FIGN: variants seen among roughly 807,000 people sequenced by gnomAD.
FIGN encodes the protein fidgetin, microtubule severing factor.
Under a neutral mutation model 51.3 loss-of-function variants are expected in FIGN, and 11 were observed. The observed-to-expected ratio is 0.21, with a 90% CI of 0.13 to 0.35. The LOEUF (loss-of-function observed/expected upper bound fraction) is 0.35, where lower values mean the gene tolerates loss of function less well. Ranked by LOEUF, FIGN falls within the 10% of genes least tolerant of loss-of-function variation. The pLI is 1.00. For synonymous variants in FIGN, 407 were observed against 363.2 expected (o/e 1.12, Z -1.37); for missense variants, 857 against 943.6 (o/e 0.91, Z 1.20).
chr2:163,618,502 A>G (rs1002379396), intron 2 of FIGN, among the ~76,000 whole-genome samples: 3 of 151,960 alleles, frequency 2.0e-5, no homozygotes, highest in Non-Finnish European at 2.9e-5. Context: ...CTTACAGAGA[A>G]ATTGCAATCT....
chr2:163,618,071 A>G (rs1183552133), intron 2 of FIGN, among the ~76,000 whole-genome samples: 1 of 152,200 alleles, frequency 6.6e-6, no homozygotes, highest in Admixed American at 6.5e-5. Context: ...CAAGAAAGAT[A>G]CAGAAATTCT....
intron 2 of FIGN, among the ~76,000 whole-genome samples, chr2:163,626,433 G>A (rs1278454858): frequency 6.6e-6 from 1 of 152,090 alleles, no homozygotes; most frequent in African/African-American, 2.4e-5. Flanking sequence ...ATTTATTTAT[G>A]AATCATGTCA....
At chr2:163,635,170 AACAAG>A (rs1439879594) in intron 2 of FIGN, among the ~76,000 whole-genome samples, 7 of 152,228 alleles carry the variant, frequency 4.6e-5, no homozygotes, top group Non-Finnish European at 1.0e-4. Context: ...CAAAATAATA[AACAAG>A]ACATCATTAG....
chr2:163,651,565 C>A (rs777637917), intron 2 of FIGN, among the ~76,000 whole-genome samples: 1 of 152,150 alleles, frequency 6.6e-6, no homozygotes, highest in Non-Finnish European at 1.5e-5. Context: ...GTGAGATTGT[C>A]TGGCAAAGCT....
chr2:163,700,804 C>A (rs2105350500), intron 2 of FIGN, among the ~76,000 whole-genome samples: 1 of 152,212 alleles, frequency 6.6e-6, no homozygotes, highest in South Asian at 2.1e-4. Context: ...CCTCTGATAG[C>A]TCTATCTTCT....
chr2:163,611,914 G>GGCGA, intron 2 of FIGN, 108 bp from the exon 3 acceptor site: 4 of 679,386 alleles, frequency 5.9e-6, no homozygotes, highest in Non-Finnish European at 6.8e-6. Flanking sequence ...TTAATGATAT[G>GGCGA]CATACTTTAA....
chr2:163,620,321 T>A (rs1361120612), intron 2 of FIGN, among the ~76,000 whole-genome samples: 1 of 152,142 alleles, frequency 6.6e-6, no homozygotes, highest in East Asian at 1.9e-4. Context: ...TTCAATCCAT[T>A]AAGGCCATCT....
intron 2 of FIGN, among the ~76,000 whole-genome samples, chr2:163,625,508 A>G (rs906279453): frequency 2.0e-5 from 3 of 152,058 alleles, no homozygotes. Flanking sequence ...TATTATTTAT[A>G]TGCACTAAGG....
At chr2:163,640,169 T>C (rs187315421) in intron 2 of FIGN, among the ~76,000 whole-genome samples, 298 of 152,268 alleles carry the variant, frequency 2.0e-3, no homozygotes, top group East Asian at 0.019. Context: ...AATTAGCACA[T>C]CATTATAAAA....
intron 2 of FIGN, among the ~76,000 whole-genome samples, chr2:163,706,612 A>G (rs1456589749): frequency 6.6e-6 from 1 of 152,194 alleles, no homozygotes; most frequent in African/African-American, 2.4e-5. Context: ...ACTAAAGTAT[A>G]CTGATTAAAA....
At chr2:163,660,792 TATATAGATATACATATATATAC>T (rs1559012405) in intron 2 of FIGN, among the ~76,000 whole-genome samples, 1 of 87,970 alleles carries the variant, frequency 1.1e-5, no homozygotes, top group African/African-American at 4.4e-5. Context: ...CATATATATG[TATATAGATATACATATATATAC>T]ATATACATAT....
intron 2 of FIGN, among the ~76,000 whole-genome samples, chr2:163,730,585 C>T (rs1007204720): frequency 3.3e-5 from 5 of 151,652 alleles, no homozygotes; most frequent in African/African-American, 4.8e-5. Flanking sequence ...AAGTGGTACC[C>T]CCAAATAATT....
intron 2 of FIGN, among the ~76,000 whole-genome samples, chr2:163,694,377 T>C (rs548970216): frequency 6.6e-6 from 1 of 152,324 alleles, no homozygotes; most frequent in South Asian, 2.1e-4. Context: ...ATAATACCTA[T>C]TAGCATTCTA....
chr2:163,664,788 C>A (rs141609391), intron 2 of FIGN, among the ~76,000 whole-genome samples: 7 of 152,322 alleles, frequency 4.6e-5, no homozygotes, highest in Non-Finnish European at 8.8e-5. Context: ...ATGCAACAAG[C>A]AACAGATTTC....
At chr2:163,650,288 C>G (rs958158627) in intron 2 of FIGN, among the ~76,000 whole-genome samples, 2 of 151,574 alleles carry the variant, frequency 1.3e-5, no homozygotes, top group African/African-American at 4.8e-5. Context: ...TCAATGATCC[C>G]AAATGCTACA....
chr2:163,727,597 C>T (rs1684856948), intron 2 of FIGN, among the ~76,000 whole-genome samples: 1 of 152,114 alleles, frequency 6.6e-6, no homozygotes, highest in African/African-American at 2.4e-5. Context: ...AAAATAAGTT[C>T]AATTTTTTTC....
At chr2:163,669,621 A>C (rs993349690) in intron 2 of FIGN, among the ~76,000 whole-genome samples, 2 of 152,226 alleles carry the variant, frequency 1.3e-5, no homozygotes, top group African/African-American at 4.8e-5. Flanking sequence ...ACAGTCTATA[A>C]TCAAACTTTC....
intron 2 of FIGN, among the ~76,000 whole-genome samples, chr2:163,706,320 G>A (rs912839406): frequency 1.5e-4 from 23 of 151,976 alleles, no homozygotes; most frequent in Non-Finnish European, 3.2e-4. Flanking sequence ...TTATTTACCT[G>A]AAAAGAAATA....
At chr2:163,691,832 C>A (rs1358820204) in intron 2 of FIGN, among the ~76,000 whole-genome samples, 1 of 152,012 alleles carries the variant, frequency 6.6e-6, no homozygotes, top group Non-Finnish European at 1.5e-5. Flanking sequence ...ATAACCAGGG[C>A]CAGAGGAATT....
Sources: allele counts gnomAD v4.1 joint callset (sites outside exome capture counted in the v4.1 genomes callset), GRCh38; gene constraint gnomAD v4.1.1; transcripts MANE v1.5; gene names NCBI Gene and HGNC (gene_info 2026-07-23, HGNC 2026-07-21).